Variants in MTTP observed in about 807,000 individuals in gnomAD.
MTTP encodes the protein microsomal triglyceride transfer protein.
A neutral mutation model predicts 90.6 loss-of-function variants in MTTP; 49 were observed. The observed-to-expected ratio is 0.54, with a 90% CI of 0.43 to 0.69. The LOEUF is 0.69. MTTP is among the 30% of genes least tolerant of loss of function. The probability of loss-of-function intolerance (pLI) is 0.00; values close to 1 mark genes in which losing one functional copy is unlikely to be tolerated. For missense variants in MTTP, 945 were observed against 1,067.5 expected (o/e 0.89, Z 1.60); for synonymous variants, 347 against 384.2 (o/e 0.90, Z 1.13).
Position 99,597,069 on chromosome 4 carries a change from C to T in MTTP, c.912C>T (p.Leu304=). The change falls in exon 8 of 18, where the codon CTC becomes CTT. Residue 304 remains leucine (L), a splice_region_variant and synonymous_variant. Transcript: ENST00000265517. ...AGCCTGCAGTGTATGTTTTGCAGCT[C>T]TCGGAGCTCTGGCGGTCCACCAGGA... is the stretch of plus-strand genomic sequence containing the variant. ...FQSHCKGCPS[L]SELWRSTRKY... 6.2e-7 allele frequency: 1 copy of T among 1,613,796 alleles called. No homozygotes were observed. Among genetic ancestry groups the T allele is most frequent in the Non-Finnish European group, 8.5e-7 (1 of 1,179,872 alleles).
At chr4:99,579,612 A>G (rs1206863550) in intron 1 of MTTP, among the ~76,000 whole-genome samples, 1 of 152,146 alleles carries the variant, frequency 6.6e-6, no homozygotes. Context: ...GAGCACTTCT[A>G]TCATACTATA....
upstream of MTTP, among the ~76,000 whole-genome samples, chr4:99,570,534 T>C (rs566718907): frequency 5.9e-5 from 9 of 152,022 alleles, no homozygotes; most frequent in Non-Finnish European, 1.0e-4. Flanking sequence ...TTATTGAGCC[T>C]CGTGAATCTG....
intron 15 of MTTP, among the ~76,000 whole-genome samples, chr4:99,617,373 T>G (rs1392099873): frequency 1.3e-5 from 2 of 152,216 alleles, no homozygotes; most frequent in Non-Finnish European, 2.9e-5. Context: ...ACTTTTTTAA[T>G]ACACCTGGTT....
At chr4:99,578,941 C>T (rs920678701) in intron 1 of MTTP, among the ~76,000 whole-genome samples, 3 of 152,144 alleles carry the variant, frequency 2.0e-5, no homozygotes, top group African/African-American at 7.2e-5. Flanking sequence ...AAGAAGGCCT[C>T]CTGACCGAAA....
rs952126453 is a variant in MTTP at position 99,597,075 on chromosome 4, G to C, written c.918G>C (p.Glu306Asp). The C allele has an allele frequency of 6.2e-7, 1 of 1,613,902 alleles. No individual in the cohort carries two copies. The highest frequency in any genetic ancestry group is 1.3e-5 in the African/African-American group (1 of 75,018). ...SHCKGCPSLSELWRSTRKYLQ... is the reference protein window; with the variant it reads ...SHCKGCPSLSDLWRSTRKYLQ... ...CAGTGTATGTTTTGCAGCTCTCGGA[G>C]CTCTGGCGGTCCACCAGGAAATACC... Residue 306 changes from glutamate (E) to aspartate (D), a missense_variant, in exon 8 of 18, where the codon GAG becomes GAC. Physicochemically the swap from Glu to Asp is conservative, Grantham distance 45. Transcript: ENST00000265517.
chr4:99,577,618 A>AAAG (rs1553925929), intron 1 of MTTP, among the ~76,000 whole-genome samples: 11 of 147,092 alleles, frequency 7.5e-5, no homozygotes, highest in African/African-American at 2.5e-4. Context: ...AAAAAAAAAA[A>AAAG]AAAAGAAAGA....
intron 16 of MTTP, 48 bp downstream of exon 16, chr4:99,619,146 T>C: frequency 6.6e-7 from 1 of 1,515,732 alleles, no homozygotes; most frequent in Non-Finnish European, 9.2e-7. Flanking sequence ...TAAGACTATA[T>C]ACAGAGAACT....
At chr4:99,569,043 AG>A in intron 1 of MTTP, among the ~76,000 whole-genome samples, 2 of 152,306 alleles carry the variant, frequency 1.3e-5, no homozygotes, top group East Asian at 3.9e-4. Flanking sequence ...TATGAAAAAA[AG>A]GGTGAAGAAA....
At chr4:99,611,040 T>C (rs1193826499) in intron 12 of MTTP, 103 bp from the exon 13 acceptor site, 1 of 1,241,856 alleles carries the variant, frequency 8.1e-7, no homozygotes, top group Non-Finnish European at 1.2e-6. Context: ...GAGGAAAATT[T>C]GGCTTCCTCT....
chr4:99,592,476 A>G (rs1191963299), intron 6 of MTTP, among the ~76,000 whole-genome samples: 1 of 151,826 alleles, frequency 6.6e-6, no homozygotes. Context: ...TACAAAAAAT[A>G]TTTTTTCTTT....
exon 1 of MTTP, chr4:99,564,178 T>A: frequency 6.5e-7 from 1 of 1,535,528 alleles, no homozygotes; most frequent in Non-Finnish European, 8.7e-7. Context: ...GTGATGTCTG[T>A]TTTTTCCCGT....
In MTTP at chr4:99,591,291, C is replaced by A. The variant is rs375982037; in HGVS notation, c.558C>A (p.Ile186=). Residue 186 remains isoleucine, a synonymous_variant, in exon 5 of 18, where the codon ATC becomes ATA. Coordinates refer to ENST00000265517, the MANE Select transcript of MTTP (RefSeq NM_001386140.1). ...ACCAGGCTCATCAAGACAAAGTGAT[C>A]AAAATTAAGGCCTTGGATTCATGCA... ...VTYQAHQDKV[I]KIKALDSCKI... 1 of 1,613,956 alleles carries A rather than the reference C, an allele frequency of 6.2e-7. No homozygotes were observed. Among genetic ancestry groups the A allele is most frequent in the Non-Finnish European group, 8.5e-7 (1 of 1,179,934 alleles).
intron 14 of MTTP, among the ~76,000 whole-genome samples, chr4:99,612,504 C>T (rs899621336): frequency 6.6e-6 from 1 of 151,908 alleles, no homozygotes; most frequent in Admixed American, 6.6e-5. Flanking sequence ...TTTAGATGCT[C>T]TGCAAGACAG....
intron 2 of MTTP, 27 bp from the exon 3 acceptor site, chr4:99,583,347 T>C (rs1187365002): frequency 6.2e-7 from 1 of 1,611,484 alleles, no homozygotes; most frequent in African/African-American, 1.3e-5. Context: ...GAAGTTTTTT[T>C]TAACAGCTTT....
At chr4:99,615,784 A>G (rs1317620210) in intron 15 of MTTP, among the ~76,000 whole-genome samples, 1 of 152,256 alleles carries the variant, frequency 6.6e-6, no homozygotes, top group Non-Finnish European at 1.5e-5. Flanking sequence ...CTCTTTAGCC[A>G]GTAAAGAACA....
chr4:99,566,899 A>G (rs1370978732), intron 1 of MTTP, among the ~76,000 whole-genome samples: 1 of 152,156 alleles, frequency 6.6e-6, no homozygotes, highest in African/African-American at 2.4e-5. Context: ...TACAAATTCC[A>G]TTATTTTAAG....
At chr4:99,618,588 T>A (rs1578257023) in intron 15 of MTTP, among the ~76,000 whole-genome samples, 2 of 152,314 alleles carry the variant, frequency 1.3e-5, no homozygotes, top group Middle Eastern at 3.4e-3. Context: ...TCCTCAGAGT[T>A]TCTAATTTAG....
chr4:99,580,574 CAAAAAAA>C (rs563138284), intron 1 of MTTP, among the ~76,000 whole-genome samples: 6 of 39,878 alleles, frequency 1.5e-4, no homozygotes, highest in Non-Finnish European at 1.9e-4. Flanking sequence ...GACTCTGTCT[CAAAAAAA>C]AAAAAAAAAA....
chr4:99,568,734 A>G (rs185201095), intron 1 of MTTP, among the ~76,000 whole-genome samples: 66 of 152,260 alleles, frequency 4.3e-4, no homozygotes, highest in African/African-American at 1.5e-3. Flanking sequence ...GAACCCAAAC[A>G]AAACACATTT....
Sources: gnomAD v4.1 joint callset for allele counts (sites outside exome capture counted in the v4.1 genomes callset) on GRCh38, gnomAD v4.1.1 for gene constraint, MANE v1.5 for transcripts, NCBI Gene and HGNC (gene_info 2026-07-23, HGNC 2026-07-21) for gene names.